The following BMERB1 variants were observed in gnomAD, a reference collection of about 807,000 sequenced individuals.
The protein encoded by BMERB1 is bMERB domain-containing protein 1.
In BMERB1, 12 loss-of-function variants were observed where a neutral mutation model predicts 23.6. The observed-to-expected ratio is 0.51, with a 90% confidence interval of 0.33 to 0.82. The LOEUF is 0.82. Among genes scored for constraint, BMERB1 ranks in the 40% least tolerant of loss-of-function variants. The probability of loss-of-function intolerance (pLI) is 0.03; values close to 1 mark genes in which losing one functional copy is unlikely to be tolerated. For missense variants in BMERB1, 247 were observed against 255.4 expected (o/e 0.97, Z 0.22); for synonymous variants, 122 against 96.6 (o/e 1.26, Z -1.54).
intron 1 of BMERB1, among the ~76,000 whole-genome samples, chr16:15,505,749 G>A (rs1233849011): frequency 6.6e-6 from 1 of 152,004 alleles, no homozygotes; most frequent in East Asian, 1.9e-4. Flanking sequence ...TTAGGCTGGT[G>A]TGGTGGTGGG....
rs927255507 is a variant in BMERB1, at chr16:15,542,631, ATTTTTTT to A, written c.231-25334_231-25328del. 9.3e-5 allele frequency among the ~76,000 whole-genome samples: 9 copies of A among 96,870 alleles called. No individual in the cohort carries two copies. The South Asian group carries it at 1.5e-3, about 16-fold the overall frequency. 63.6% of individuals were successfully genotyped at this position (96,870 alleles called of 152,430 possible). A position where few individuals can be genotyped will look rare whatever the true frequency, so the allele number is the denominator to read the frequency against. ...TGGCTTAATGAATTACCTCCTAGGG[ATTTTTTT>A]TTTTTTTTTTTTTTTTTGGTCAGGA... On this transcript the variant is annotated intron_variant, in intron 2 of 5. Transcript: ENST00000300006.
chr16:15,533,989 T>G (rs1274903756), intron 2 of BMERB1, among the ~76,000 whole-genome samples: 1 of 152,092 alleles, frequency 6.6e-6, no homozygotes, highest in South Asian at 2.1e-4. Flanking sequence ...TCTTCTCTGC[T>G]CCTAGGCTTG....
At chr16:15,516,658 C>T (rs1267441749) in intron 2 of BMERB1, among the ~76,000 whole-genome samples, 1 of 139,156 alleles carries the variant, frequency 7.2e-6, no homozygotes, top group Non-Finnish European at 1.5e-5. Context: ...AGGCTAGGCC[C>T]CTCCCCTATT....
intron 2 of BMERB1, among the ~76,000 whole-genome samples, chr16:15,564,263 A>G (rs1320694157): frequency 2.0e-5 from 3 of 152,228 alleles, no homozygotes; most frequent in South Asian, 2.1e-4. Flanking sequence ...TTGTGTTCCC[A>G]TAAGCCTAAG....
At chr16:15,555,038 G>T (rs2030214321) in intron 2 of BMERB1, among the ~76,000 whole-genome samples, 1 of 151,988 alleles carries the variant, frequency 6.6e-6, no homozygotes, top group Non-Finnish European at 1.5e-5. Context: ...TTTGAGACAG[G>T]GTCTCACTCT....
intron 1 of BMERB1, among the ~76,000 whole-genome samples, chr16:15,501,287 C>CTTTTTTT (rs71152437): frequency 3.1e-4 from 20 of 64,894 alleles, no homozygotes; most frequent in Non-Finnish European, 4.1e-4. Flanking sequence ...GCTCTTTTTA[C>CTTTTTTT]TTTTTTTTTT....
At chr16:15,448,781 G>C (rs2051013336) in intron 1 of BMERB1, among the ~76,000 whole-genome samples, 1 of 152,142 alleles carries the variant, frequency 6.6e-6, no homozygotes, top group African/African-American at 2.4e-5. Context: ...GACAGAGCAA[G>C]AATCTGTCTC....
At chr16:15,556,171 T>TC (rs929405202) in intron 2 of BMERB1, among the ~76,000 whole-genome samples, 3 of 147,130 alleles carry the variant, frequency 2.0e-5, no homozygotes, top group African/African-American at 7.6e-5. Flanking sequence ...AGAGCGAAAC[T>TC]CCATCTCAAA....
intron 1 of BMERB1, among the ~76,000 whole-genome samples, chr16:15,449,648 C>T (rs2051023864): frequency 1.3e-5 from 2 of 151,822 alleles, no homozygotes; most frequent in African/African-American, 4.8e-5. Context: ...CAGGTTCAAG[C>T]GATTCTCCTG....
intron 1 of BMERB1, among the ~76,000 whole-genome samples, chr16:15,513,414 G>A (rs2051699222): frequency 6.6e-6 from 1 of 152,086 alleles, no homozygotes; most frequent in African/African-American, 2.4e-5. Flanking sequence ...AGGCAGGAGC[G>A]CTCAAGGCAT....
intron 3 of BMERB1, among the ~76,000 whole-genome samples, chr16:15,571,494 G>A (rs1187273734): frequency 1.3e-5 from 2 of 151,908 alleles, no homozygotes; most frequent in East Asian, 3.9e-4. Flanking sequence ...CTGGGAGCCT[G>A]TAGGCACCTG....
chr16:15,512,889 A>G (rs183433487), intron 1 of BMERB1, among the ~76,000 whole-genome samples: 117 of 152,138 alleles, frequency 7.7e-4, no homozygotes, highest in Admixed American at 2.3e-3. Context: ...AAAAAAAAAA[A>G]AGAGAAAAAG....
intron 3 of BMERB1, among the ~76,000 whole-genome samples, chr16:15,579,371 A>G (rs781622346): frequency 3.9e-5 from 6 of 152,132 alleles, no homozygotes; most frequent in Non-Finnish European, 8.8e-5. Flanking sequence ...CCATCATCCA[A>G]TGCACCAATG....
At chr16:15,453,336 T>G (rs972657100) in intron 1 of BMERB1, among the ~76,000 whole-genome samples, 5 of 152,188 alleles carry the variant, frequency 3.3e-5, no homozygotes, top group African/African-American at 1.2e-4. Context: ...CTCACACCTG[T>G]AATCTGAGGC....
rs530185978 is a variant in BMERB1 at position 15,484,723 on chromosome 16, A to G, written c.107-30582A>G. On this transcript the variant is annotated intron_variant, in intron 1 of 5. Coordinates refer to ENST00000300006, the MANE Select transcript of BMERB1 (RefSeq NM_033201.3). ...GGCCTCTTTCCCCTTTTTTAAAAAA[A>G]GAAGGCGAAATTCACATAACATAGC... Among the ~76,000 whole-genome samples, 5 of 152,330 alleles carry G rather than the reference A, an allele frequency of 3.3e-5. No individual in the cohort carries two copies. The South Asian group carries it at 1.0e-3, about 32-fold the overall frequency.
chr16:15,457,412 C>T (rs2051095420), intron 1 of BMERB1, among the ~76,000 whole-genome samples: 1 of 152,184 alleles, frequency 6.6e-6, no homozygotes, highest in African/African-American at 2.4e-5. Context: ...CTGACTCTTG[C>T]CTCCAGTTGT....
intron 2 of BMERB1, 75 bp downstream of exon 2, chr16:15,515,503 C>T (rs1340908637): frequency 1.3e-6 from 2 of 1,533,618 alleles, no homozygotes; most frequent in African/African-American, 2.8e-5. Flanking sequence ...TGTTGATCGT[C>T]TACTGTGTGC....
At chr16:15,465,213 A>G (rs1267342326) in intron 1 of BMERB1, among the ~76,000 whole-genome samples, 1 of 152,114 alleles carries the variant, frequency 6.6e-6, no homozygotes, top group Non-Finnish European at 1.5e-5. Flanking sequence ...ACATTGGGTG[A>G]AGGTTTTTTA....
intron 1 of BMERB1, among the ~76,000 whole-genome samples, chr16:15,468,113 T>TTTTC (rs1168233988): frequency 6.7e-5 from 10 of 150,176 alleles, no homozygotes; most frequent in African/African-American, 1.2e-4. Context: ...TTTTCTTTTC[T>TTTTC]TTTCTTTCTT....
Sources: allele counts gnomAD v4.1 joint callset (sites outside exome capture counted in the v4.1 genomes callset), GRCh38; gene constraint gnomAD v4.1.1; transcripts MANE v1.5; gene names NCBI Gene and HGNC (gene_info 2026-07-23, HGNC 2026-07-21).